The following ALLC variants were observed in gnomAD, a reference collection of about 807,000 sequenced individuals.
ALLC encodes probable inactive allantoicase.
A neutral mutation model predicts 45.0 loss-of-function variants in ALLC; 40 were observed. That is an observed-to-expected ratio of 0.89 (90% confidence interval 0.69 to 1.16). The LOEUF (loss-of-function observed/expected upper bound fraction) is 1.16. Ranked by LOEUF, ALLC falls within the 50% of genes most tolerant of loss-of-function variation. ALLC has a pLI of 0.00. For missense variants in ALLC, 488 were observed against 493.1 expected, an observed-to-expected ratio of 0.99 and a Z score of 0.10; for synonymous variants, 176 against 178.1, an observed-to-expected ratio of 0.99 and a Z score of 0.09.
chr2:3,662,731 C>T (rs547307845), intron 1 of ALLC, among the ~76,000 whole-genome samples: 1 of 152,220 alleles, frequency 6.6e-6, no homozygotes, highest in Admixed American at 6.5e-5. Context: ...CTGCAGTCAC[C>T]CTACTCTCGA....
intron 1 of ALLC, among the ~76,000 whole-genome samples, chr2:3,661,956 G>A (rs998144369): frequency 6.6e-6 from 1 of 152,160 alleles, no homozygotes; most frequent in African/African-American, 2.4e-5. Context: ...CCTTGTTGGG[G>A]TTGTGGGCAG....
At chr2:3,676,443 A>G (rs994271855) in intron 3 of ALLC, among the ~76,000 whole-genome samples, 10 of 151,990 alleles carry the variant, frequency 6.6e-5, no homozygotes, top group Non-Finnish European at 1.5e-4. Context: ...CGAATTTTTA[A>G]ATTTTTTGTA....
intron 11 of ALLC, 141 bp downstream of exon 11, chr2:3,701,777 A>C: frequency 9.6e-7 from 1 of 1,046,794 alleles, no homozygotes; most frequent in Non-Finnish European, 1.3e-6. Flanking sequence ...CCTATCTGCA[A>C]ACTTTAAGAA....
At chr2:3,662,236 C>T (rs551402317) in intron 1 of ALLC, among the ~76,000 whole-genome samples, 10 of 152,280 alleles carry the variant, frequency 6.6e-5, no homozygotes, top group Middle Eastern at 3.4e-3. Flanking sequence ...TACCCAGGCC[C>T]GTCTTAGGGT....
chr2:3,656,413 G>C (rs755875184), upstream of ALLC, among the ~76,000 whole-genome samples: 1 of 152,246 alleles, frequency 6.6e-6, no homozygotes, highest in East Asian at 1.9e-4. Context: ...GCTGTGCCAC[G>C]ATGGAAAGTT....
chr2:3,647,259 T>C, the ALLC span, among the ~76,000 whole-genome samples: 3 of 152,222 alleles, frequency 2.0e-5, no homozygotes, highest in Middle Eastern at 3.4e-3. Context: ...TCAACTTTGC[T>C]CTAGTTGAGG....
chr2:3,661,447 CAA>C (rs1038209190), intron 1 of ALLC, among the ~76,000 whole-genome samples: 14 of 152,160 alleles, frequency 9.2e-5, no homozygotes, highest in Admixed American at 7.2e-4. Flanking sequence ...TGCTGTGAAA[CAA>C]GAGGAGCTTG....
At chr2:3,668,722 C>T (rs979828708) in intron 1 of ALLC, among the ~76,000 whole-genome samples, 2 of 151,574 alleles carry the variant, frequency 1.3e-5, no homozygotes, top group Admixed American at 6.6e-5. Flanking sequence ...ATTACAGACA[C>T]CTGCCACCAC....
chr2:3,660,949 G>A (rs1666560668), intron 1 of ALLC, among the ~76,000 whole-genome samples: 2 of 152,004 alleles, frequency 1.3e-5, no homozygotes, highest in South Asian at 4.1e-4. Flanking sequence ...AAAGTAGAAG[G>A]CAAATAATTG....
At chr2:3,659,376 A>G (rs1216428021) in intron 1 of ALLC, among the ~76,000 whole-genome samples, 1 of 152,250 alleles carries the variant, frequency 6.6e-6, no homozygotes, top group African/African-American at 2.4e-5. Flanking sequence ...GCCTTGCCGT[A>G]ACCCATGACA....
chr2:3,674,665 G>A lies in ALLC; in HGVS notation c.84+540G>A, dbSNP rs115053994. On this transcript the variant is annotated intron_variant, in intron 3 of 11. Coordinates refer to ENST00000252505, the MANE Select transcript of ALLC (RefSeq NM_018436.4). ...GCATTCATGACTGGCCTCCATTGTG[G>A]GCAGCGGCCATCTGGTTACCCTGGT... Among the ~76,000 whole-genome samples, 281 of 152,290 alleles carry A rather than the reference G, an allele frequency of 1.8e-3. 4 individuals carry two copies. Among genetic ancestry groups the A allele is most frequent in the African/African-American group, 6.5e-3 (271 of 41,576 alleles).
At chr2:3,658,411 GAC>G (rs1355457993) in intron 1 of ALLC, 117 bp downstream of exon 1, 2 of 152,258 alleles carry the variant, frequency 1.3e-5, no homozygotes, top group Non-Finnish European at 2.9e-5. Flanking sequence ...CTTGGAAGGT[GAC>G]AGAGGGTAGA....
chr2:3,656,989 A>C (rs892244716), upstream of ALLC, among the ~76,000 whole-genome samples: 1 of 152,216 alleles, frequency 6.6e-6, no homozygotes, highest in East Asian at 1.9e-4. Flanking sequence ...GGGGCACTGC[A>C]CTGCTGTGGC....
At chr2:3,670,326 A>G (rs555056958) in intron 1 of ALLC, among the ~76,000 whole-genome samples, 1 of 152,310 alleles carries the variant, frequency 6.6e-6, no homozygotes, top group African/African-American at 2.4e-5. Flanking sequence ...GTTTTTGTGT[A>G]GTTTTTCTCT....
intron 6 of ALLC, among the ~76,000 whole-genome samples, chr2:3,682,650 C>T (rs1304098108): frequency 2.0e-5 from 3 of 152,208 alleles, no homozygotes; most frequent in Admixed American, 6.5e-5. Context: ...CTCAGCCTCC[C>T]GAGTAGCTGG....
chr2:3,654,118 C>T (rs116628651), upstream of ALLC, among the ~76,000 whole-genome samples: 644 of 152,284 alleles, frequency 4.2e-3, 3 homozygotes, highest in African/African-American at 0.015. Context: ...CACATGCCTG[C>T]GAGTTATTGC....
At chr2:3,652,259 T>G in the ALLC span, among the ~76,000 whole-genome samples, 2 of 152,252 alleles carry the variant, frequency 1.3e-5, no homozygotes, top group Non-Finnish European at 2.9e-5. Flanking sequence ...GCGGCTGTGC[T>G]GCTGTGTTTG....
intron 7 of ALLC, 108 bp downstream of exon 7, chr2:3,683,182 T>C: frequency 8.1e-7 from 1 of 1,235,942 alleles, no homozygotes; most frequent in Non-Finnish European, 1.1e-6. Context: ...AATTGATCTC[T>C]CTAGCATTTC....
At chr2:3,650,601 G>A in the ALLC span, among the ~76,000 whole-genome samples, 5 of 152,220 alleles carry the variant, frequency 3.3e-5, no homozygotes, top group African/African-American at 9.6e-5. Flanking sequence ...TTCTGTGGGG[G>A]TCAGCAGTGC....
Sources: gnomAD v4.1 joint callset for allele counts (sites outside exome capture counted in the v4.1 genomes callset) on GRCh38, gnomAD v4.1.1 for gene constraint, MANE v1.5 for transcripts, NCBI Gene and HGNC (gene_info 2026-07-23, HGNC 2026-07-21) for gene names.